Variants in SYT17 observed in about 807,000 individuals in gnomAD.
SYT17 encodes the protein synaptotagmin 17.
Under a neutral mutation model 46.7 loss-of-function variants are expected in SYT17, and 22 were observed. The ratio of observed to expected loss-of-function variants is 0.47; its 90% confidence interval spans 0.34 to 0.67. The LOEUF is 0.67. Ranked by LOEUF, SYT17 falls within the 30% of genes least tolerant of loss-of-function variation. SYT17 has a pLI of 0.01. For synonymous variants in SYT17, 251 were observed against 248.4 expected, an observed-to-expected ratio of 1.01 and a Z score of -0.10; for missense variants, 519 against 612.8, an observed-to-expected ratio of 0.85 and a Z score of 1.62.
intron 5 of SYT17, among the ~76,000 whole-genome samples, chr16:19,211,869 G>T (rs1331883797): frequency 2.0e-5 from 3 of 151,796 alleles, no homozygotes; most frequent in Non-Finnish European, 4.4e-5. Flanking sequence ...CTCGTGATCC[G>T]CCCGCCTCAG....
intron 7 of SYT17, among the ~76,000 whole-genome samples, chr16:19,251,149 TGG>T (rs1455725689): frequency 0.02 from 3,035 of 152,234 alleles, 87 homozygotes; most frequent in African/African-American, 0.07. Context: ...TCAAAACAGG[TGG>T]CATTTCTTTC....
At chr16:19,204,219 C>T (rs545130839) in intron 5 of SYT17, among the ~76,000 whole-genome samples, 3 of 152,178 alleles carry the variant, frequency 2.0e-5, no homozygotes, top group East Asian at 3.9e-4. Flanking sequence ...TCCCTCTCCC[C>T]GACTTGTCAC....
intron 7 of SYT17, among the ~76,000 whole-genome samples, chr16:19,266,259 T>C (rs1291623130): frequency 6.6e-6 from 1 of 152,224 alleles, no homozygotes; most frequent in African/African-American, 2.4e-5. Context: ...GGTTCCCGTT[T>C]GGGATGCATT....
At chr16:19,172,423 G>A in intron 1 of SYT17, 3 of 1,432,960 alleles carry the variant, frequency 2.1e-6, no homozygotes, top group Non-Finnish European at 2.7e-6. Flanking sequence ...CTCTTCTCCT[G>A]AAGTGTGGCT....
chr16:19,177,291 C>A (rs964151431), intron 3 of SYT17, among the ~76,000 whole-genome samples: 1 of 152,122 alleles, frequency 6.6e-6, no homozygotes, highest in Non-Finnish European at 1.5e-5. Flanking sequence ...ATGAATGGCA[C>A]CACCTAGGGT....
rs1261908103 is a variant in SYT17, at chr16:19,262,707, G to C, written c.1229-4173G>C. Among the ~76,000 whole-genome samples, 3 of 152,338 alleles carry C rather than the reference G, an allele frequency of 2.0e-5. No homozygotes were observed. In the East Asian group the frequency reaches 5.8e-4, roughly 29 times the overall value. ...ATAGTTAGAGGACGTTGGTCATATA[G>C]TCATGGCTGACCATCTGGGTAGCTG... On this transcript the variant is annotated intron_variant, in intron 7 of 7. Transcript: ENST00000355377.
At chr16:19,212,797 T>A (rs1965957047) in intron 5 of SYT17, among the ~76,000 whole-genome samples, 1 of 152,176 alleles carries the variant, frequency 6.6e-6, no homozygotes. Flanking sequence ...GAACAAGCAA[T>A]CCATTTTCCT....
At chr16:19,259,132 T>G (rs1469607197) in intron 7 of SYT17, among the ~76,000 whole-genome samples, 1 of 152,182 alleles carries the variant, frequency 6.6e-6, no homozygotes. Context: ...GGTACTTGCC[T>G]GTCCCCAGAG....
intron 7 of SYT17, among the ~76,000 whole-genome samples, chr16:19,251,859 G>A (rs1968099487): frequency 6.6e-6 from 1 of 152,146 alleles, no homozygotes; most frequent in Admixed American, 6.5e-5. Flanking sequence ...CGCATACACA[G>A]GGCCACACGG....
intron 3 of SYT17, among the ~76,000 whole-genome samples, chr16:19,177,808 C>T (rs1183874845): frequency 6.6e-6 from 1 of 152,184 alleles, no homozygotes; most frequent in Non-Finnish European, 1.5e-5. Flanking sequence ...CAGAAAGACC[C>T]TCATTGAAGA....
At chr16:19,215,087 C>G (rs1966044046) in intron 5 of SYT17, among the ~76,000 whole-genome samples, 1 of 152,174 alleles carries the variant, frequency 6.6e-6, no homozygotes, top group African/African-American at 2.4e-5. Context: ...CGTGCCCGGA[C>G]AAAAAGGACT....
chr16:19,218,598 A>G (rs181841889), intron 5 of SYT17, among the ~76,000 whole-genome samples: 32 of 152,318 alleles, frequency 2.1e-4, no homozygotes, highest in African/African-American at 7.2e-4. Context: ...GGTTCGATCA[A>G]TGGCCCCAGG....
intron 5 of SYT17, among the ~76,000 whole-genome samples, chr16:19,217,416 T>G (rs1223701161): frequency 6.6e-6 from 1 of 152,144 alleles, no homozygotes; most frequent in Non-Finnish European, 1.5e-5. Flanking sequence ...CTCATCTACT[T>G]TCTATCTCTA....
At chr16:19,184,540 C>T (rs894208484) in intron 5 of SYT17, among the ~76,000 whole-genome samples, 13 of 149,386 alleles carry the variant, frequency 8.7e-5, no homozygotes, top group African/African-American at 1.2e-4. Flanking sequence ...CGCCCGCCAC[C>T]ACGCCCTGCT....
chr16:19,175,952 C>G (rs1357189945), intron 3 of SYT17, among the ~76,000 whole-genome samples: 2 of 152,200 alleles, frequency 1.3e-5, no homozygotes, highest in African/African-American at 2.4e-5. Context: ...TGACCATGCT[C>G]AGGGAATTTT....
chr16:19,190,693 T>A (rs1596919173), intron 5 of SYT17, among the ~76,000 whole-genome samples: 1 of 152,156 alleles, frequency 6.6e-6, no homozygotes, highest in Non-Finnish European at 1.5e-5. Context: ...CTCAGGATAA[T>A]GTCTTCAAAG....
chr16:19,240,226 T>G (rs1424045585), intron 7 of SYT17, among the ~76,000 whole-genome samples: 2 of 152,156 alleles, frequency 1.3e-5, no homozygotes, highest in Admixed American at 1.3e-4. Context: ...GCCCTGCCAT[T>G]TGGCAGGCCC....
intron 1 of SYT17, chr16:19,171,660 T>C (rs1393158696): frequency 2.0e-5 from 3 of 152,192 alleles, no homozygotes; most frequent in Non-Finnish European, 4.4e-5. Flanking sequence ...TTTTTTTCTA[T>C]AAATGGGCTC....
intron 5 of SYT17, among the ~76,000 whole-genome samples, chr16:19,186,505 G>A (rs1964796976): frequency 6.6e-6 from 1 of 152,078 alleles, no homozygotes; most frequent in Non-Finnish European, 1.5e-5. Flanking sequence ...AATAACAAAA[G>A]TGTGTATAAA....
Sources: allele counts gnomAD v4.1 joint callset (sites outside exome capture counted in the v4.1 genomes callset), GRCh38; gene constraint gnomAD v4.1.1; transcripts MANE v1.5; gene names NCBI Gene and HGNC (gene_info 2026-07-23, HGNC 2026-07-21).